The following EFL1 variants were observed in gnomAD, a reference collection of about 807,000 sequenced individuals.
EFL1 encodes the protein elongation factor-like GTPase 1.
A neutral mutation model predicts 126.7 loss-of-function variants in EFL1; 76 were observed. That is an observed-to-expected ratio of 0.60 (90% CI 0.50 to 0.73). EFL1 has a LOEUF of 0.73. EFL1 is among the 30% of genes least tolerant of loss of function. EFL1 has a pLI of 0.00. For missense variants in EFL1, 1,128 were observed against 1,343.2 expected, an observed-to-expected ratio of 0.84 and a Z score of 2.50; for synonymous variants, 410 against 448.4, an observed-to-expected ratio of 0.91 and a Z score of 1.08.
At chr15:82,230,777 A>T in intron 8 of EFL1, 71 bp downstream of exon 8, 1 of 1,498,030 alleles carries the variant, frequency 6.7e-7, no homozygotes, top group Non-Finnish European at 8.9e-7. Flanking sequence ...CATTTATTAA[A>T]GATATTACAG....
intron 15 of EFL1, among the ~76,000 whole-genome samples, chr15:82,167,606 T>G (rs947333809): frequency 4.6e-5 from 7 of 152,106 alleles, no homozygotes; most frequent in African/African-American, 9.7e-5. Context: ...TCTTAACAAC[T>G]CCCTGTTGCA....
intron 17 of EFL1, among the ~76,000 whole-genome samples, chr15:82,156,835 C>T (rs766981981): frequency 6.6e-6 from 1 of 152,106 alleles, no homozygotes; most frequent in Non-Finnish European, 1.5e-5. Flanking sequence ...CTAGTAAGCA[C>T]AGAAATGTAT....
intron 17 of EFL1, among the ~76,000 whole-genome samples, chr15:82,153,864 GAA>G (rs1010484270): frequency 1.3e-5 from 2 of 151,964 alleles, no homozygotes; most frequent in African/African-American, 4.8e-5. Context: ...TTGATTTTAA[GAA>G]AAAAGCCACT....
intron 7 of EFL1, among the ~76,000 whole-genome samples, chr15:82,232,949 C>T (rs1821354969): frequency 6.6e-6 from 1 of 151,918 alleles, no homozygotes; most frequent in Non-Finnish European, 1.5e-5. Flanking sequence ...CTGTATTATA[C>T]ATTATTTTAT....
intron 4 of EFL1, among the ~76,000 whole-genome samples, chr15:82,246,846 C>G (rs991313404): frequency 6.6e-6 from 1 of 151,944 alleles, no homozygotes; most frequent in African/African-American, 2.4e-5. Context: ...TGAAAGAGAC[C>G]AGAAGGTTTA....
rs2074695860 is a variant in EFL1 at position 82,220,162 on chromosome 15, C to T, written c.1360G>A (p.Ala454Thr). 9 of 1,613,828 alleles carry T rather than the reference C, an allele frequency of 5.6e-6. No individual in the cohort carries two copies. The highest frequency in any genetic ancestry group is 7.6e-6 in the Non-Finnish European group (9 of 1,179,850). ...AAGGGTGCCTGTCCCTGTGCTGCTG[C>T]AAGCTTCTCTGCATGCCTTTGTCTT... ...RARQRHAEKL[A>T]AAQGQAPLEP... Residue 454 changes from alanine (A) to threonine (T), a missense_variant, in exon 13 of 20, where the codon GCA becomes ACA. Physicochemically the swap from Ala to Thr is moderately conservative, Grantham distance 58. Transcript: ENST00000268206.
At chr15:82,247,604 A>C (rs2074984586) in intron 4 of EFL1, among the ~76,000 whole-genome samples, 2 of 152,138 alleles carry the variant, frequency 1.3e-5, no homozygotes, top group African/African-American at 4.8e-5. Flanking sequence ...GTGGAACATG[A>C]ATGAATGAGT....
chr15:82,161,948 G>A (rs147215604), intron 16 of EFL1, among the ~76,000 whole-genome samples: 27 of 152,224 alleles, frequency 1.8e-4, no homozygotes, highest in African/African-American at 6.5e-4. Context: ...AACCATAACA[G>A]AGCCTTTTAA....
At chr15:82,175,674 C>T (rs1016075309) in intron 15 of EFL1, among the ~76,000 whole-genome samples, 4 of 152,008 alleles carry the variant, frequency 2.6e-5, no homozygotes, top group Admixed American at 6.6e-5. Context: ...GCCAACATGG[C>T]AAAACCCCGT....
intron 19 of EFL1, among the ~76,000 whole-genome samples, chr15:82,137,428 G>A (rs141838067): frequency 2.6e-4 from 40 of 152,290 alleles, no homozygotes; most frequent in African/African-American, 9.6e-4. Flanking sequence ...ACACCGCTGA[G>A]AGCAAGCCAA....
At chr15:82,230,786 A>G (rs1381272936) in intron 8 of EFL1, 62 bp downstream of exon 8, 1 of 1,529,398 alleles carries the variant, frequency 6.5e-7, no homozygotes, top group Admixed American at 2.2e-5. Context: ...AAGATATTAC[A>G]GTATAGGTTT....
chr15:82,239,056 A>G (rs1028371066), intron 6 of EFL1, among the ~76,000 whole-genome samples: 2 of 152,098 alleles, frequency 1.3e-5, no homozygotes, highest in African/African-American at 4.8e-5. Context: ...CCACATCCCA[A>G]TCTACAAGCT....
intron 2 of EFL1, 64 bp downstream of exon 2, chr15:82,261,624 C>G: frequency 6.8e-7 from 1 of 1,472,876 alleles, no homozygotes; most frequent in Non-Finnish European, 9.4e-7. Context: ...CTTCACTCCA[C>G]TGAGACATAC....
chr15:82,157,504 G>C (rs1365632755), intron 17 of EFL1: 1 of 492,960 alleles, frequency 2.0e-6, no homozygotes, highest in African/African-American at 1.9e-5. Context: ...AGCTAAAAAT[G>C]CAAAATTATT....
chr15:82,248,773 G>C (rs1177426457), intron 4 of EFL1, among the ~76,000 whole-genome samples: 3 of 151,712 alleles, frequency 2.0e-5, no homozygotes, highest in Non-Finnish European at 4.4e-5. Context: ...TTTTCCATAT[G>C]GTGTTTTACA....
intron 12 of EFL1, among the ~76,000 whole-genome samples, chr15:82,223,362 T>C (rs1165274237): frequency 6.6e-6 from 1 of 152,092 alleles, no homozygotes; most frequent in Admixed American, 6.6e-5. Flanking sequence ...GTAACAATTG[T>C]TGAACCTGAT....
rs555064931 is a variant in EFL1 at position 82,206,105 on chromosome 15, A to G, written c.1750+8612T>C. 4.6e-5 allele frequency among the ~76,000 whole-genome samples: 7 copies of G among 152,382 alleles called. No individual in the cohort carries two copies. The East Asian group carries it at 9.6e-4, about 21-fold the overall frequency. ...CACTAGTCGCAAAGCATTGAATTAG[A>G]GTACACATAAAAATATGATAAAGAG... On this transcript the variant is annotated intron_variant, in intron 15 of 19. Coordinates refer to ENST00000268206, the MANE Select transcript of EFL1 (RefSeq NM_024580.6).
At chr15:82,198,885 G>C (rs1293224215) in intron 15 of EFL1, among the ~76,000 whole-genome samples, 1 of 152,068 alleles carries the variant, frequency 6.6e-6, no homozygotes, top group Non-Finnish European at 1.5e-5. Flanking sequence ...GGAAGACTAA[G>C]CACCCAGTAT....
intron 18 of EFL1, among the ~76,000 whole-genome samples, chr15:82,144,808 C>A (rs1040505674): frequency 6.6e-6 from 1 of 151,762 alleles, no homozygotes; most frequent in Non-Finnish European, 1.5e-5. Flanking sequence ...TCCTGGCCAA[C>A]AGGGTGAAAC....
Sources: allele counts gnomAD v4.1 joint callset (sites outside exome capture counted in the v4.1 genomes callset), GRCh38; gene constraint gnomAD v4.1.1; transcripts MANE v1.5; gene names NCBI Gene and HGNC (gene_info 2026-07-23, HGNC 2026-07-21).